Variants in TTC21A observed in about 807,000 individuals in gnomAD.
TTC21A encodes tetratricopeptide repeat protein 21A.
A neutral mutation model predicts 156.4 loss-of-function variants in TTC21A; 128 were observed. That is an observed-to-expected ratio of 0.82 (90% CI 0.71 to 0.95). TTC21A has a LOEUF of 0.95. Among genes scored for constraint, TTC21A ranks in the 40% least tolerant of loss-of-function variants. The probability of loss-of-function intolerance (pLI) is 0.00; values close to 1 mark genes in which losing one functional copy is unlikely to be tolerated. For missense variants in TTC21A, 1,435 were observed against 1,602.3 expected (o/e 0.90, Z 1.78); for synonymous variants, 587 against 617.1 (o/e 0.95, Z 0.72).
intron 15 of TTC21A, among the ~76,000 whole-genome samples, chr3:39,129,838 G>A (rs999941821): frequency 2.0e-5 from 3 of 152,236 alleles, no homozygotes; most frequent in Admixed American, 1.3e-4. Flanking sequence ...TGGAGGGATA[G>A]CAGGTAGAGT....
chr3:39,123,849 C>G (rs150350829), intron 9 of TTC21A, among the ~76,000 whole-genome samples: 1 of 151,878 alleles, frequency 6.6e-6, no homozygotes, highest in Non-Finnish European at 1.5e-5. Flanking sequence ...AAAAATCACC[C>G]CCCCCAAAAA....
intron 22 of TTC21A, among the ~76,000 whole-genome samples, chr3:39,135,458 G>A (rs1341258712): frequency 6.6e-6 from 1 of 152,236 alleles, no homozygotes; most frequent in Non-Finnish European, 1.5e-5. Context: ...CCCCTTTTGA[G>A]GTCACAGCCA....
intron 7 of TTC21A, chr3:39,118,435 C>T (rs560285092): frequency 2.4e-5 from 12 of 508,990 alleles, no homozygotes; most frequent in Admixed American, 6.4e-5. Flanking sequence ...CTGGATAAGC[C>T]GCAGGCTTCC....
intron 9 of TTC21A, among the ~76,000 whole-genome samples, chr3:39,122,327 A>G (rs975979359): frequency 3.2e-4 from 48 of 151,616 alleles, no homozygotes; most frequent in Admixed American, 9.2e-4. Flanking sequence ...AGAAAGAAAA[A>G]AAAAAAAAAG....
At position 39,134,490 on chromosome 3, in the gene TTC21A, G is replaced by A; in HGVS notation, c.2862+162G>A. The A allele has an allele frequency of 1.4e-6, 1 of 697,196 alleles. No individual in the cohort carries two copies. The highest frequency in any genetic ancestry group is 1.5e-5 in the South Asian group (1 of 67,538). 43.2% of individuals were successfully genotyped at this position (697,196 alleles called of 1,614,324 possible). On this transcript the variant is annotated intron_variant, in intron 21 of 28. Transcript: ENST00000683103. The surrounding 1 kb of genome is among the most constrained non-coding windows in gnomAD (Gnocchi z 4.6). ...GAGGACTCAGTGCTGCACCTACTCT[G>A]CCCTTTAGCCGGAAGCGGTAGGCTG...
At chr3:39,108,961 C>G in intron 1 of TTC21A, 124 bp from the exon 2 acceptor site, 1 of 1,108,196 alleles carries the variant, frequency 9.0e-7, no homozygotes. Flanking sequence ...TTTCCTCTTT[C>G]TCTTCCCTTT....
Position 39,134,325 on chromosome 3 carries a change from T to G in TTC21A, c.2859T>G (p.Ser953=). The G allele has an allele frequency of 6.2e-7, 1 of 1,609,486 alleles. No individual in the cohort carries two copies. The highest frequency in any genetic ancestry group is 1.3e-5 in the African/African-American group (1 of 74,906). Residue 953 remains serine (S), a synonymous_variant, in exon 21 of 29, where the codon TCT becomes TCG. Coordinates refer to ENST00000683103, the MANE Select transcript of TTC21A (RefSeq NM_001366900.1). The surrounding 1 kb of genome is among the most constrained non-coding windows in gnomAD (Gnocchi z 4.6). ...LQTEQNHETA[S]VLMADLMFRK... ...CTGAGCAGAACCATGAGACCGCTTCTGTGGTAGGAAGCCCCCAGCACCCAC... is the reference window on the plus strand; with the variant it reads ...CTGAGCAGAACCATGAGACCGCTTCGGTGGTAGGAAGCCCCCAGCACCCAC...
chr3:39,136,708 G>A (rs2039141440), intron 23 of TTC21A, 191 bp from the exon 24 acceptor site: 1 of 972,242 alleles, frequency 1.0e-6, no homozygotes, highest in Admixed American at 2.9e-5. Flanking sequence ...GAGGCCAGGT[G>A]AGGGCCACTT....
rs755482726 is a variant in TTC21A, at chr3:39,110,154, G to T, written c.268+15G>T. ...TGAAATCATTGGTGAGTGCCACCAT[G>T]CTCAACCAGGCCTGACCCACCAGGG... On this transcript the variant is annotated intron_variant, in intron 3 of 28. Coordinates refer to ENST00000683103, the MANE Select transcript of TTC21A (RefSeq NM_001366900.1). 3.1e-6 allele frequency: 5 copies of T among 1,590,352 alleles called. No individual in the cohort carries two copies. Among genetic ancestry groups the T allele is most frequent in the Non-Finnish European group, 3.5e-6 (4 of 1,159,060 alleles).
rs776158420 is a variant in TTC21A, at chr3:39,130,371, T to G, written c.2319+13T>G. The G allele has an allele frequency of 2.5e-6, 4 of 1,604,990 alleles. No individual in the cohort carries two copies. In the South Asian group the frequency reaches 3.3e-5, roughly 13 times the overall value. On this transcript the variant is annotated intron_variant, in intron 17 of 28. Transcript: ENST00000683103. This position sits in a 1 kb window ranked among gnomAD's most constrained non-coding sequence, Gnocchi z 4.5. Reference sequence around the variant, plus strand: ...CCAGTATACTGAGGTCAGGCTGGGCTAGGGTGTGAAGGGGCAGGGAGGGCC... The same window carrying G: ...CCAGTATACTGAGGTCAGGCTGGGCGAGGGTGTGAAGGGGCAGGGAGGGCC...
chr3:39,138,154 GC>G, intron 26 of TTC21A, 112 bp from the exon 27 acceptor site: 2 of 1,520,274 alleles, frequency 1.3e-6, no homozygotes, highest in Non-Finnish European at 1.8e-6. Flanking sequence ...TTGGTTTATG[GC>G]AGCTCACTTC....
At chr3:39,126,416 G>T (rs376818289) in intron 12 of TTC21A, 26 bp downstream of exon 12, 4 of 1,611,838 alleles carry the variant, frequency 2.5e-6, no homozygotes, top group Non-Finnish European at 3.4e-6. Flanking sequence ...TGACAGCCGG[G>T]TGGGGCCTTG....
intron 9 of TTC21A, among the ~76,000 whole-genome samples, chr3:39,123,458 C>G (rs1007088175): frequency 2.0e-5 from 3 of 152,100 alleles, no homozygotes; most frequent in African/African-American, 4.8e-5. Context: ...TGTAACAGGC[C>G]TTATTTCAAA....
intron 5 of TTC21A, among the ~76,000 whole-genome samples, chr3:39,114,116 C>T (rs776419050): frequency 3.9e-5 from 6 of 152,216 alleles, no homozygotes; most frequent in Non-Finnish European, 5.9e-5. Flanking sequence ...AAAAAAAACG[C>T]CACAACCTTG....
Position 39,138,617 on chromosome 3 carries a change from C to A in TTC21A, c.3858C>A (p.Cys1286Ter), listed in dbSNP as rs748735526. ...AATTTGTGGAGGCCATTGAAATCTG[C>A]AACGATGTAAGCCAGCAGCCTTGGT... Reference protein sequence around the residue: ...DKKFVEAIEICNDVLREHPDY... With the variant: ...DKKFVEAIEI Residue 1286 changes from cysteine (C) to a stop codon, truncating the protein, a stop_gained, in exon 28 of 29, where the codon TGC becomes TGA. Transcript: ENST00000683103. LOFTEE classifies it high-confidence loss of function. 5.0e-6 allele frequency: 8 copies of A among 1,614,238 alleles called. No individual in the cohort carries two copies. The South Asian group carries it at 8.8e-5, about 18-fold the overall frequency.
chr3:39,125,373 C>T lies in TTC21A; in HGVS notation c.1233C>T (p.His411=), dbSNP rs1360133124. ...FLQALLMSRK[H]KGEEETTALL... is the part of the protein sequence containing the mutation. Reference sequence around the variant, plus strand: ...AAGCCCTCCTGATGTCCAGGAAGCACAAGGGGGAGGAAGAGACCACAGCGC... The same window carrying T: ...AAGCCCTCCTGATGTCCAGGAAGCATAAGGGGGAGGAAGAGACCACAGCGC... The change falls in exon 11 of 29, where the codon CAC becomes CAT. Residue 411 remains histidine, a synonymous_variant. Transcript: ENST00000683103. The T allele has an allele frequency of 6.2e-7, 1 of 1,614,028 alleles. No homozygotes were observed. Among genetic ancestry groups the T allele is most frequent in the Non-Finnish European group, 8.5e-7 (1 of 1,180,022 alleles).
chr3:39,136,347 C>G lies in TTC21A; in HGVS notation c.2945-10C>G. ...CATTTCAGCCTGGAGATTTCTGTCTCTTATTTTAGACAATTTTTTGGTATT... is the reference window on the plus strand; with the variant it reads ...CATTTCAGCCTGGAGATTTCTGTCTGTTATTTTAGACAATTTTTTGGTATT... On this transcript the variant is annotated splice_polypyrimidine_tract_variant and intron_variant, in intron 22 of 28. Transcript: ENST00000683103. The G allele has an allele frequency of 1.2e-6, 2 of 1,609,314 alleles. No homozygotes were observed. The highest frequency in any genetic ancestry group is 1.7e-6 in the Non-Finnish European group (2 of 1,177,074).
In TTC21A at chr3:39,121,073, T is replaced by A; in HGVS notation, c.977T>A (p.Val326Asp). ...ERTFMATPSY[V>D]HVATELGYLF... ...ACCTTCATGGCCACCCCCTCGTATGTCCATGTGGCCACAGAACTGGGCTAT... is the reference window on the plus strand; with the variant it reads ...ACCTTCATGGCCACCCCCTCGTATGACCATGTGGCCACAGAACTGGGCTAT... The change falls in exon 9 of 29, where the codon GTC (valine) becomes GAC (aspartate). Residue 326 changes from valine (V) to aspartate (D), a missense_variant. Physicochemically the swap from Val to Asp is radical, Grantham distance 152. Transcript: ENST00000683103. 6.2e-7 allele frequency: 1 copy of A among 1,614,068 alleles called. No individual in the cohort carries two copies. The highest frequency in any genetic ancestry group is 8.5e-7 in the Non-Finnish European group (1 of 1,179,960).
intron 9 of TTC21A, among the ~76,000 whole-genome samples, chr3:39,124,428 G>A (rs1429030938): frequency 4.6e-5 from 7 of 152,064 alleles, no homozygotes; most frequent in Admixed American, 4.6e-4. Context: ...GGGAGGCTAA[G>A]GTGAGTGGAT....
Sources: allele counts gnomAD v4.1 joint callset (sites outside exome capture counted in the v4.1 genomes callset), GRCh38; gene constraint gnomAD v4.1.1; non-coding constraint Gnocchi (gnomAD v3.1); transcripts MANE v1.5; gene names NCBI Gene and HGNC (gene_info 2026-07-23, HGNC 2026-07-21).